IMMP2L: variants seen among roughly 807,000 people sequenced by gnomAD.
The protein encoded by IMMP2L is inner mitochondrial membrane peptidase subunit 2.
A neutral mutation model predicts 19.3 loss-of-function variants in IMMP2L; 18 were observed. The ratio of observed to expected loss-of-function variants is 0.93; its 90% CI spans 0.64 to 1.38. IMMP2L has a LOEUF of 1.38. Ranked by LOEUF, IMMP2L falls within the 40% of genes most tolerant of loss-of-function variation. The pLI, the probability that IMMP2L is intolerant of heterozygous loss-of-function variation, is 0.00. For missense variants in IMMP2L, 233 were observed against 218.2 expected (o/e 1.07, Z -0.43); for synonymous variants, 76 against 73.0 (o/e 1.04, Z -0.21).
chr7:111,340,954 G>A (rs1055486357), intron 3 of IMMP2L, among the ~76,000 whole-genome samples: 5 of 151,978 alleles, frequency 3.3e-5, no homozygotes, highest in African/African-American at 7.2e-5. Flanking sequence ...GTTCTTTATC[G>A]ATATTGATCA....
chr7:111,184,950 C>T (rs1808106468), intron 3 of IMMP2L, among the ~76,000 whole-genome samples: 1 of 152,114 alleles, frequency 6.6e-6, no homozygotes, highest in Admixed American at 6.6e-5. Flanking sequence ...AAATATCCTG[C>T]TAATAAAGAT....
intron 3 of IMMP2L, among the ~76,000 whole-genome samples, chr7:111,251,264 T>C (rs761618184): frequency 1.3e-5 from 2 of 152,082 alleles, no homozygotes; most frequent in East Asian, 3.9e-4. Context: ...GATGGCCAGA[T>C]TGCAGAGAAA....
intron 5 of IMMP2L, among the ~76,000 whole-genome samples, chr7:110,850,600 C>T (rs1806104556): frequency 6.6e-6 from 1 of 152,006 alleles, no homozygotes; most frequent in Admixed American, 6.6e-5. Flanking sequence ...GGCTCGCCCT[C>T]ATGCCAAGAA....
chr7:110,863,005 G>T (rs560556629), intron 5 of IMMP2L, among the ~76,000 whole-genome samples: 4 of 151,994 alleles, frequency 2.6e-5, no homozygotes, highest in Non-Finnish European at 5.9e-5. Context: ...CTGGGGGATC[G>T]GAGAACCAGC....
At chr7:111,043,125 G>A (rs1250877694) in intron 3 of IMMP2L, among the ~76,000 whole-genome samples, 1 of 152,102 alleles carries the variant, frequency 6.6e-6, no homozygotes, top group Non-Finnish European at 1.5e-5. Flanking sequence ...ATTCCTAACA[G>A]TAGCTGCTAA....
intron 4 of IMMP2L, among the ~76,000 whole-genome samples, chr7:110,889,058 T>A (rs1414125956): frequency 6.6e-6 from 1 of 152,228 alleles, no homozygotes; most frequent in Non-Finnish European, 1.5e-5. Context: ...ACAAGTAATC[T>A]TTTGCAAGTT....
At chr7:111,147,480 A>G (rs1803606974) in intron 3 of IMMP2L, among the ~76,000 whole-genome samples, 1 of 152,148 alleles carries the variant, frequency 6.6e-6, no homozygotes, top group Non-Finnish European at 1.5e-5. Context: ...ATGCATGGAA[A>G]AATATGAGAA....
At chr7:110,879,486 G>T (rs1347125579) in intron 5 of IMMP2L, among the ~76,000 whole-genome samples, 1 of 151,970 alleles carries the variant, frequency 6.6e-6, no homozygotes, top group South Asian at 2.1e-4. Flanking sequence ...TCAGATATAA[G>T]TACTGTAACT....
intron 3 of IMMP2L, among the ~76,000 whole-genome samples, chr7:111,273,095 T>G (rs1269048663): frequency 1.3e-5 from 2 of 151,990 alleles, no homozygotes; most frequent in African/African-American, 4.8e-5. Flanking sequence ...CTGGCCAACA[T>G]GGTGAAACCC....
intron 3 of IMMP2L, among the ~76,000 whole-genome samples, chr7:111,423,572 C>T (rs982883885): frequency 6.6e-6 from 1 of 151,808 alleles, no homozygotes. Context: ...CCCCCTTTAT[C>T]ATTTTTTATT....
chr7:111,479,024 T>A (rs1047150120), intron 3 of IMMP2L, among the ~76,000 whole-genome samples: 2 of 152,216 alleles, frequency 1.3e-5, no homozygotes, highest in South Asian at 4.1e-4. Flanking sequence ...TTTATAGTTC[T>A]TCCTAACTCC....
At chr7:110,899,716 C>T (rs961601375) in intron 4 of IMMP2L, among the ~76,000 whole-genome samples, 4 of 152,026 alleles carry the variant, frequency 2.6e-5, no homozygotes, top group African/African-American at 4.8e-5. Flanking sequence ...TAGTACATGG[C>T]GGGTGGCAGG....
At chr7:110,788,107 T>TA (rs890507335) in intron 5 of IMMP2L, among the ~76,000 whole-genome samples, 3 of 150,868 alleles carry the variant, frequency 2.0e-5, no homozygotes, top group Non-Finnish European at 3.0e-5. Context: ...TCTTCCAGCC[T>TA]AAAAAAAAAT....
intron 5 of IMMP2L, among the ~76,000 whole-genome samples, chr7:110,861,974 T>C (rs897522669): frequency 6.6e-6 from 1 of 152,102 alleles, no homozygotes; most frequent in Non-Finnish European, 1.5e-5. Flanking sequence ...TATGTCCACA[T>C]GACCTGCATG....
intron 3 of IMMP2L, among the ~76,000 whole-genome samples, chr7:111,132,331 C>G: frequency 6.6e-6 from 1 of 152,008 alleles, no homozygotes; most frequent in Admixed American, 6.6e-5. Flanking sequence ...TTCTCTTTCT[C>G]AGTCCATTAC....
intron 3 of IMMP2L, among the ~76,000 whole-genome samples, chr7:111,199,165 C>A (rs573584963): frequency 6.6e-6 from 1 of 152,058 alleles, no homozygotes; most frequent in South Asian, 2.1e-4. Flanking sequence ...TTTTATTCTG[C>A]CACCATTTTA....
At chr7:111,466,093 C>T (rs1260080679) in intron 3 of IMMP2L, among the ~76,000 whole-genome samples, 1 of 152,290 alleles carries the variant, frequency 6.6e-6, no homozygotes, top group Non-Finnish European at 1.5e-5. Context: ...CCAAACACCA[C>T]TTGTTCTCAC....
intron 3 of IMMP2L, among the ~76,000 whole-genome samples, chr7:111,446,766 G>C (rs187022573): frequency 2.0e-5 from 3 of 152,178 alleles, no homozygotes; most frequent in African/African-American, 7.2e-5. Context: ...TCTGAGCTAC[G>C]GGAGGACATT....
At chr7:111,455,229 A>G (rs1179774534) in intron 3 of IMMP2L, among the ~76,000 whole-genome samples, 1 of 151,596 alleles carries the variant, frequency 6.6e-6, no homozygotes, top group East Asian at 1.9e-4. Flanking sequence ...CGTCTGTTTC[A>G]CATTCATTTC....
Sources: allele counts gnomAD v4.1 joint callset (sites outside exome capture counted in the v4.1 genomes callset), GRCh38; gene constraint gnomAD v4.1.1; transcripts MANE v1.5; gene names NCBI Gene and HGNC (gene_info 2026-07-23, HGNC 2026-07-21).